Variants in GALNT9 observed in about 807,000 individuals in gnomAD.
GALNT9 encodes GalNAc transferase 9.
In GALNT9, 47 loss-of-function variants were observed where a neutral mutation model predicts 63.1. The observed-to-expected ratio is 0.75, with a 90% CI of 0.59 to 0.95. The LOEUF (loss-of-function observed/expected upper bound fraction) is 0.95, where lower values mean the gene tolerates loss of function less well. GALNT9 is among the 40% of genes least tolerant of loss of function. The pLI is 0.00. For missense variants in GALNT9, 829 were observed against 874.8 expected (o/e 0.95, Z 0.66); for synonymous variants, 396 against 365.7 (o/e 1.08, Z -0.94).
chr12:132,257,899 A>G lies in GALNT9; in HGVS notation c.762-13T>C. The G allele has an allele frequency of 2.0e-6, 3 of 1,503,096 alleles. No individual in the cohort carries two copies. The highest frequency in any genetic ancestry group is 2.7e-6 in the Non-Finnish European group (3 of 1,113,112). 93.1% of individuals were successfully genotyped at this position (1,503,096 alleles called of 1,614,324 possible). A position where few individuals can be genotyped will look rare whatever the true frequency, so the allele number is the denominator to read the frequency against. On this transcript the variant is annotated splice_polypyrimidine_tract_variant and intron_variant, in intron 4 of 10. Transcript: ENST00000328957. Reference sequence around the variant, plus strand: ...TGCGGGCTCGGCCCTGCGGAGGCACAGCTGTGAGGAGGGGCGGCCCCAGCC... The same window carrying G: ...TGCGGGCTCGGCCCTGCGGAGGCACGGCTGTGAGGAGGGGCGGCCCCAGCC...
chr12:132,206,034 C>A (rs11246996), intron 6 of GALNT9: 25,343 of 152,518 alleles, frequency 0.17, 2,449 homozygotes, highest in Middle Eastern at 0.31. Context: ...GCGCCTGGCA[C>A]ACTGGCCTCT....
chr12:132,197,339 C>A (rs1593456183), intron 10 of GALNT9, 86 bp from the exon 11 acceptor site: 1 of 1,553,414 alleles, frequency 6.4e-7, no homozygotes, highest in South Asian at 1.2e-5. Flanking sequence ...TTCGTGCTCT[C>A]AGCCCTCGTG....
intron 7 of GALNT9, 58 bp downstream of exon 7, chr12:132,203,447 G>C: frequency 6.4e-7 from 1 of 1,562,068 alleles, no homozygotes; most frequent in Non-Finnish European, 8.8e-7. Context: ...CAGCCCTGCC[G>C]TGGCATTGAC....
At chr12:132,253,096 A>G (rs1228147130) in intron 5 of GALNT9, among the ~76,000 whole-genome samples, 1 of 152,188 alleles carries the variant, frequency 6.6e-6, no homozygotes, top group Non-Finnish European at 1.5e-5. Flanking sequence ...GTTTTCTTCT[A>G]TGCACTTATA....
At chr12:132,208,908 A>G (rs927502747) in intron 6 of GALNT9, among the ~76,000 whole-genome samples, 1 of 152,220 alleles carries the variant, frequency 6.6e-6, no homozygotes, top group African/African-American at 2.4e-5. Flanking sequence ...GCTAGTTACT[A>G]GCCATGCATC....
At chr12:132,202,625 T>TGC (rs200739438) in intron 7 of GALNT9, among the ~76,000 whole-genome samples, 6,256 of 152,262 alleles carry the variant, frequency 0.041, 421 homozygotes, top group African/African-American at 0.14. Context: ...TATGCGTGTG[T>TGC]GCGCTGGGTC....
intron 6 of GALNT9, among the ~76,000 whole-genome samples, chr12:132,222,748 G>T (rs1877496754): frequency 1.3e-5 from 2 of 151,800 alleles, no homozygotes; most frequent in African/African-American, 4.9e-5. Context: ...GCAAGACCTG[G>T]GAGGCCGCTT....
chr12:132,326,594 TC>T (rs1249680536), intron 1 of GALNT9, among the ~76,000 whole-genome samples: 8 of 152,310 alleles, frequency 5.3e-5, no homozygotes, highest in Admixed American at 3.3e-4. Flanking sequence ...GACGTGGACT[TC>T]CTTCCACCAG....
rs1242199782 is a variant in GALNT9 at position 132,319,167 on chromosome 12, GGCCTTGGAT to G, written c.238+9790_238+9798del. 6.6e-6 allele frequency among the ~76,000 whole-genome samples: 1 copy of G among 152,184 alleles called. No individual in the cohort carries two copies. The highest frequency in any genetic ancestry group is 1.5e-5 in the Non-Finnish European group (1 of 68,038). Reference sequence around the variant, plus strand: ...TGGTGAATTCTGCATCCATAGAGAGGGCCTTGGATGCCCAGGTGGCTGGAAGTATTGCTT... The same window carrying G: ...TGGTGAATTCTGCATCCATAGAGAGGGCCCAGGTGGCTGGAAGTATTGCTT... On this transcript the variant is annotated intron_variant, in intron 1 of 10. Transcript: ENST00000328957. The surrounding 1 kb of genome is among the most constrained non-coding windows in gnomAD (Gnocchi z 5.2).
intron 6 of GALNT9, among the ~76,000 whole-genome samples, chr12:132,224,805 A>C (rs1428663577): frequency 1.5e-5 from 2 of 135,064 alleles, no homozygotes; most frequent in Non-Finnish European, 3.1e-5. Flanking sequence ...CACACACCCC[A>C]CACACATACA....
intron 1 of GALNT9, among the ~76,000 whole-genome samples, chr12:132,298,202 C>A (rs1555243424): frequency 1.3e-5 from 2 of 152,000 alleles, no homozygotes; most frequent in African/African-American, 2.4e-5. Context: ...CCCAAGGAAA[C>A]CCACTCCCAA....
intron 1 of GALNT9, among the ~76,000 whole-genome samples, chr12:132,299,773 G>A (rs370895907): frequency 1.9e-4 from 21 of 112,730 alleles, no homozygotes; most frequent in Middle Eastern, 8.3e-3. Flanking sequence ...TCCCTGAGAT[G>A]ACCAACCCAC....
intron 6 of GALNT9, among the ~76,000 whole-genome samples, chr12:132,227,795 G>C (rs1877752869): frequency 6.6e-6 from 1 of 152,114 alleles, no homozygotes; most frequent in Non-Finnish European, 1.5e-5. Flanking sequence ...TTAATGGGCA[G>C]AGGCAGGGTC....
rs782038688 is a variant in GALNT9, at chr12:132,262,578, A to T, written c.467T>A (p.Val156Asp). 1.3e-6 allele frequency: 2 copies of T among 1,551,446 alleles called. No individual in the cohort carries two copies. The highest frequency in any genetic ancestry group is 1.7e-6 in the Non-Finnish European group (2 of 1,146,870). ...CAGCGCCTCATTGACGAAGATGAAGACCACGGAGACCTGGGGCAGGTCCTG... is the reference window on the plus strand; with the variant it reads ...CAGCGCCTCATTGACGAAGATGAAGTCCACGGAGACCTGGGGCAGGTCCTG... ...YAQDLPQVSV[V>D]FIFVNEALSV... The change falls in exon 3 of 11, where the codon GTC becomes GAC. Residue 156 changes from valine (V) to aspartate (D), a missense_variant. Coordinates refer to ENST00000328957, the MANE Select transcript of GALNT9 (RefSeq NM_001122636.2).
chr12:132,229,453 C>A (rs1308933731), intron 6 of GALNT9, among the ~76,000 whole-genome samples: 1 of 152,280 alleles, frequency 6.6e-6, no homozygotes, highest in Non-Finnish European at 1.5e-5. Context: ...GGCACGAGCA[C>A]TTTATGGAGA....
chr12:132,323,687 C>G (rs1176395895), intron 1 of GALNT9, among the ~76,000 whole-genome samples: 1 of 152,268 alleles, frequency 6.6e-6, no homozygotes, highest in Admixed American at 6.5e-5. Flanking sequence ...GAGGCAATCC[C>G]CGTCCAGTAG....
intron 2 of GALNT9, among the ~76,000 whole-genome samples, chr12:132,267,613 A>G (rs1422266821): frequency 1.3e-5 from 2 of 152,202 alleles, no homozygotes; most frequent in East Asian, 3.8e-4. Context: ...TCAAGTTAAG[A>G]CTGATTTTAG....
At position 132,287,128 on chromosome 12, in the gene GALNT9, C is replaced by T. The variant is rs149482564; in HGVS notation, c.239-698G>A. Among the ~76,000 whole-genome samples, 306 of 140,182 alleles carry T rather than the reference C, an allele frequency of 2.2e-3. 2 individuals are homozygous for T. The highest frequency in any genetic ancestry group is 3.9e-3 in the Non-Finnish European group (252 of 65,160). 92.0% of individuals were successfully genotyped at this position (140,182 alleles called of 152,430 possible). ...GCATCGGGCAGCATCGGCTCATCGACGGTGACACAGTCACACTCACGCACG... is the reference window on the plus strand; with the variant it reads ...GCATCGGGCAGCATCGGCTCATCGATGGTGACACAGTCACACTCACGCACG... On this transcript the variant is annotated intron_variant, in intron 1 of 10. Transcript: ENST00000328957.
intron 6 of GALNT9, among the ~76,000 whole-genome samples, chr12:132,207,652 G>A (rs561943388): frequency 3.3e-5 from 5 of 152,264 alleles, no homozygotes; most frequent in East Asian, 3.9e-4. Context: ...GGTGGGAGTC[G>A]GCCAACTTCC....
Sources: allele counts gnomAD v4.1 joint callset (sites outside exome capture counted in the v4.1 genomes callset), GRCh38; gene constraint gnomAD v4.1.1; non-coding constraint Gnocchi (gnomAD v3.1); transcripts MANE v1.5; gene names NCBI Gene and HGNC (gene_info 2026-07-23, HGNC 2026-07-21).